The following SCAPER variants were observed in gnomAD, a reference collection of about 807,000 sequenced individuals.
The protein encoded by SCAPER is S phase cyclin A-associated protein in the endoplasmic reticulum.
A neutral mutation model predicts 182.2 loss-of-function variants in SCAPER; 98 were observed. The observed-to-expected ratio is 0.54, with a 90% CI of 0.46 to 0.64. The LOEUF is 0.64. SCAPER is among the 30% of genes least tolerant of loss of function. The pLI is 0.00. For missense variants in SCAPER, 1,432 were observed against 1,690.0 expected, an observed-to-expected ratio of 0.85 and a Z score of 2.68; for synonymous variants, 605 against 564.6, an observed-to-expected ratio of 1.07 and a Z score of -1.01.
intron 29 of SCAPER, among the ~76,000 whole-genome samples, chr15:76,357,186 A>ACACACACG (rs1439719164): frequency 1.3e-5 from 2 of 151,270 alleles, no homozygotes; most frequent in East Asian, 3.9e-4. Flanking sequence ...ACACACACAC[A>ACACACACG]CACCCCTATG....
intron 17 of SCAPER, among the ~76,000 whole-genome samples, chr15:76,722,481 G>C (rs980572353): frequency 6.6e-6 from 1 of 152,168 alleles, no homozygotes; most frequent in Non-Finnish European, 1.5e-5. Flanking sequence ...TCTATTGATT[G>C]CAATAGTTTC....
chr15:76,568,901 A>G (rs1033914141), intron 23 of SCAPER, among the ~76,000 whole-genome samples: 4 of 151,920 alleles, frequency 2.6e-5, no homozygotes, highest in African/African-American at 9.7e-5. Flanking sequence ...ATATAAATAT[A>G]ATTGATTTTT....
rs531099990 is a variant in SCAPER, at chr15:76,738,470, G to A, written c.1867-5086C>T. Among the ~76,000 whole-genome samples, 9 of 149,916 alleles carry A rather than the reference G, an allele frequency of 6.0e-5. No individual in the cohort carries two copies. The South Asian group carries it at 1.3e-3, about 21-fold the overall frequency. On this transcript the variant is annotated intron_variant, in intron 15 of 31. Transcript: ENST00000563290. ...GAGGCCACTCGTGAACCCGGGAGGC[G>A]AAGCTTGCAGTGAGCCGACATCACG...
At chr15:76,588,875 G>A (rs1029461240) in intron 22 of SCAPER, among the ~76,000 whole-genome samples, 1 of 152,146 alleles carries the variant, frequency 6.6e-6, no homozygotes, top group Non-Finnish European at 1.5e-5. Flanking sequence ...GGTAGGCTAT[G>A]TCAGAGGGAA....
chr15:76,678,219 C>T (rs2146956544), intron 20 of SCAPER, among the ~76,000 whole-genome samples: 1 of 152,022 alleles, frequency 6.6e-6, no homozygotes, highest in Non-Finnish European at 1.5e-5. Flanking sequence ...AATTCAATGT[C>T]TTGCTTAAAG....
At chr15:76,565,204 C>T (rs2046954091) in intron 23 of SCAPER, among the ~76,000 whole-genome samples, 2 of 152,106 alleles carry the variant, frequency 1.3e-5, no homozygotes, top group African/African-American at 4.8e-5. Flanking sequence ...GAAAAAGAAA[C>T]TATCAAGAGA....
intron 4 of SCAPER, among the ~76,000 whole-genome samples, chr15:76,846,988 C>A (rs1009228315): frequency 6.6e-6 from 1 of 151,660 alleles, no homozygotes; most frequent in Non-Finnish European, 1.5e-5. Flanking sequence ...TACATATACA[C>A]AATGAAGTGC....
chr15:76,877,073 C>CA (rs1470115838), intron 2 of SCAPER, among the ~76,000 whole-genome samples: 1 of 151,940 alleles, frequency 6.6e-6, no homozygotes, highest in East Asian at 1.9e-4. Context: ...CCCATCTCTA[C>CA]AAAAAATTTA....
At chr15:76,784,439 T>C (rs573716536) in intron 8 of SCAPER, among the ~76,000 whole-genome samples, 19 of 152,294 alleles carry the variant, frequency 1.2e-4, no homozygotes, top group African/African-American at 3.8e-4. Flanking sequence ...AGAATCAATA[T>C]TGTGAAAATG....
intron 22 of SCAPER, among the ~76,000 whole-genome samples, chr15:76,578,353 G>C (rs371745004): frequency 6.6e-6 from 1 of 152,196 alleles, no homozygotes; most frequent in Non-Finnish European, 1.5e-5. Context: ...GGGGACTTGA[G>C]CAAACAAAGG....
At chr15:76,724,318 T>A (rs938763491) in intron 17 of SCAPER, among the ~76,000 whole-genome samples, 1 of 152,196 alleles carries the variant, frequency 6.6e-6, no homozygotes, top group African/African-American at 2.4e-5. Flanking sequence ...TGGGCTTCCC[T>A]TTGTGGCTAA....
intron 21 of SCAPER, among the ~76,000 whole-genome samples, chr15:76,632,678 G>A (rs1045707985): frequency 6.6e-6 from 1 of 152,124 alleles, no homozygotes; most frequent in African/African-American, 2.4e-5. Flanking sequence ...GAGGAGAAGA[G>A]GCACTCTGGC....
In SCAPER at chr15:76,724,912, T is replaced by C. The variant is rs118179808; in HGVS notation, c.2165+3683A>G. ...CAGAGTAGTCCGCTGTTCTGAAGCC[T>C]TCTTCTCTCAACGCGTCAAAGTCAT... is the stretch of plus-strand genomic sequence containing the variant. On this transcript the variant is annotated intron_variant, in intron 17 of 31. Coordinates refer to ENST00000563290, the MANE Select transcript of SCAPER (RefSeq NM_020843.4). Among the ~76,000 whole-genome samples the C allele has an allele frequency of 1.6e-4, 24 of 152,258 alleles. No individual in the cohort carries two copies. In the East Asian group the frequency reaches 4.4e-3, roughly 28 times the overall value.
In SCAPER at chr15:76,724,277, G is replaced by A. The variant is rs8032135; in HGVS notation, c.2165+4318C>T. 8.2e-3 allele frequency among the ~76,000 whole-genome samples: 1,242 copies of A among 152,234 alleles called. 13 individuals are homozygous for A. Among genetic ancestry groups the A allele is most frequent in the African/African-American group, 0.028 (1,178 of 41,542 alleles). Reference sequence around the variant, plus strand: ...CCCCCATTCTCTTCTGGCTTATAGAGTTTCTGCCGAGAGATCAGCTGTTAG... The same window carrying A: ...CCCCCATTCTCTTCTGGCTTATAGAATTTCTGCCGAGAGATCAGCTGTTAG... On this transcript the variant is annotated intron_variant, in intron 17 of 31. Coordinates refer to ENST00000563290, the MANE Select transcript of SCAPER (RefSeq NM_020843.4).
intron 24 of SCAPER, among the ~76,000 whole-genome samples, chr15:76,493,947 C>T (rs1042784910): frequency 3.3e-5 from 5 of 151,998 alleles, no homozygotes. Context: ...CTTTTATTGT[C>T]TATTGGGGAT....
At chr15:76,365,349 C>T (rs927493474) in intron 29 of SCAPER, among the ~76,000 whole-genome samples, 24 of 152,218 alleles carry the variant, frequency 1.6e-4, no homozygotes, top group African/African-American at 5.8e-4. Context: ...AATGAGTTAC[C>T]TTCCAGTCTT....
chr15:76,509,620 T>G (rs1034527023), intron 23 of SCAPER, among the ~76,000 whole-genome samples: 1 of 152,124 alleles, frequency 6.6e-6, no homozygotes, highest in African/African-American at 2.4e-5. Context: ...GGCCACATTT[T>G]AAAATAGTGT....
intron 4 of SCAPER, among the ~76,000 whole-genome samples, chr15:76,849,983 T>A (rs1243034473): frequency 6.6e-6 from 1 of 152,014 alleles, no homozygotes; most frequent in African/African-American, 2.4e-5. Flanking sequence ...TGAGACTCAC[T>A]CACTATCACG....
intron 29 of SCAPER, among the ~76,000 whole-genome samples, chr15:76,358,374 T>A (rs1294212037): frequency 4.6e-5 from 7 of 152,214 alleles, no homozygotes; most frequent in Non-Finnish European, 1.0e-4. Context: ...AGTTTATAGA[T>A]TCAATACAAA....
Sources: allele counts gnomAD v4.1 joint callset (sites outside exome capture counted in the v4.1 genomes callset), GRCh38; gene constraint gnomAD v4.1.1; transcripts MANE v1.5; gene names NCBI Gene and HGNC (gene_info 2026-07-23, HGNC 2026-07-21).